Variants in SUGCT observed in about 807,000 individuals in gnomAD.
SUGCT encodes the protein succinyl-CoA:glutarate-CoA transferase, also known as succinyl-CoA:glutarate CoA-transferase.
In SUGCT, 41 loss-of-function variants were observed where a neutral mutation model predicts 55.0. That is an observed-to-expected ratio of 0.74 (90% CI 0.58 to 0.97). SUGCT has a LOEUF of 0.97. SUGCT is among the 50% of genes least tolerant of loss of function. The probability of loss-of-function intolerance (pLI) is 0.00; values close to 1 mark genes in which losing one functional copy is unlikely to be tolerated. For synonymous variants in SUGCT, 187 were observed against 200.4 expected, an observed-to-expected ratio of 0.93 and a Z score of 0.56; for missense variants, 568 against 547.8, an observed-to-expected ratio of 1.04 and a Z score of -0.37.
At chr7:40,266,207 G>A (rs1213024062) in intron 7 of SUGCT, among the ~76,000 whole-genome samples, 1 of 67,632 alleles carries the variant, frequency 1.5e-5, no homozygotes, top group African/African-American at 5.2e-5. Flanking sequence ...TTTTTGAGGT[G>A]GAGTTTTGCT....
chr7:40,272,950 G>A (rs913679644), intron 7 of SUGCT, among the ~76,000 whole-genome samples: 5 of 151,982 alleles, frequency 3.3e-5, no homozygotes, highest in East Asian at 1.9e-4. Flanking sequence ...GTGAGCCACC[G>A]TGCCCAGCCT....
At chr7:40,488,302 G>T (rs996090509) in intron 11 of SUGCT, among the ~76,000 whole-genome samples, 6 of 151,876 alleles carry the variant, frequency 4.0e-5, no homozygotes, top group Non-Finnish European at 2.9e-5. Context: ...AATAGTTATA[G>T]CACATTATTG....
chr7:40,462,920 A>C (rs1486670991), intron 11 of SUGCT, among the ~76,000 whole-genome samples: 2 of 152,168 alleles, frequency 1.3e-5, no homozygotes, highest in East Asian at 3.8e-4. Flanking sequence ...TTCTCTTGCA[A>C]AACTATTACA....
intron 1 of SUGCT, among the ~76,000 whole-genome samples, chr7:40,140,908 G>A (rs1423707616): frequency 6.6e-6 from 1 of 152,156 alleles, no homozygotes; most frequent in Non-Finnish European, 1.5e-5. Flanking sequence ...GATAGAAATT[G>A]CATTGAACCT....
intron 12 of SUGCT, among the ~76,000 whole-genome samples, chr7:40,683,621 C>T (rs1784345897): frequency 6.6e-6 from 1 of 152,186 alleles, no homozygotes; most frequent in South Asian, 2.1e-4. Context: ...AAGATGGATA[C>T]TCCATTGCTT....
intron 3 of SUGCT, among the ~76,000 whole-genome samples, chr7:40,183,079 C>T (rs981820495): frequency 6.6e-6 from 1 of 152,170 alleles, no homozygotes; most frequent in Admixed American, 6.6e-5. Flanking sequence ...TCGAGACCAG[C>T]CTGGCCAACA....
chr7:40,609,812 G>A (rs1460368476), intron 12 of SUGCT, among the ~76,000 whole-genome samples: 1 of 152,126 alleles, frequency 6.6e-6, no homozygotes, highest in Non-Finnish European at 1.5e-5. Flanking sequence ...TTCTTGATAA[G>A]TCGACATTTC....
chr7:40,744,066 C>T (rs2128706949), intron 12 of SUGCT, among the ~76,000 whole-genome samples: 1 of 151,980 alleles, frequency 6.6e-6, no homozygotes, highest in African/African-American at 2.4e-5. Flanking sequence ...AGATTACAGG[C>T]ACACACCACC....
chr7:40,931,273 G>A, the SUGCT span, among the ~76,000 whole-genome samples: 1 of 152,110 alleles, frequency 6.6e-6, no homozygotes, highest in Admixed American at 6.6e-5. Context: ...GGATAAAACT[G>A]ACTTGATTGT....
At chr7:40,548,384 A>G (rs1413698204) in intron 12 of SUGCT, among the ~76,000 whole-genome samples, 2 of 151,860 alleles carry the variant, frequency 1.3e-5, no homozygotes, top group Non-Finnish European at 2.9e-5. Context: ...GGTTTTTGTA[A>G]GACAGGTCTT....
rs144558561 is a variant in SUGCT, at chr7:40,657,732, C to T, written c.1090-91702C>T. On this transcript the variant is annotated intron_variant, in intron 12 of 13. Transcript: ENST00000335693. The stretch of plus-strand genomic sequence containing the variant: ...TGTATTTTTAGTGGAGACGGGGTTT[C>T]GCCATGTTGGCCACGCTGATCTTGA... Among the ~76,000 whole-genome samples, 44 of 152,328 alleles carry T rather than the reference C, an allele frequency of 2.9e-4. 1 individual carries two copies. The East Asian group carries it at 3.5e-3, about 12-fold the overall frequency.
chr7:40,382,882 C>A (rs1315034537), intron 9 of SUGCT, among the ~76,000 whole-genome samples: 1 of 152,126 alleles, frequency 6.6e-6, no homozygotes, highest in Admixed American at 6.6e-5. Flanking sequence ...GATAATATTA[C>A]ATAGAGAACT....
the SUGCT span, among the ~76,000 whole-genome samples, chr7:40,898,019 T>C: frequency 1.3e-5 from 2 of 152,034 alleles, no homozygotes; most frequent in Admixed American, 6.5e-5. Context: ...GTGTGAAAGG[T>C]GTGTTCTTTC....
Position 40,284,636 on chromosome 7 carries a change from G to A in SUGCT, c.720+9980G>A, listed in dbSNP as rs185084323. 6.5e-4 allele frequency among the ~76,000 whole-genome samples: 97 copies of A among 149,926 alleles called. 1 individual carries two copies. Among genetic ancestry groups the A allele is most frequent in the African/African-American group, 2.4e-3 (96 of 40,732 alleles). On this transcript the variant is annotated intron_variant, in intron 8 of 13. Transcript: ENST00000335693. ...AAAAAAAAAAAAAAAATGAGGTGATGTGTATGTTAACTAGCTTGATTTAGT... is the reference window on the plus strand; with the variant it reads ...AAAAAAAAAAAAAAAATGAGGTGATATGTATGTTAACTAGCTTGATTTAGT...
At chr7:40,734,993 G>A (rs1787084243) in intron 12 of SUGCT, among the ~76,000 whole-genome samples, 1 of 152,108 alleles carries the variant, frequency 6.6e-6, no homozygotes, top group South Asian at 2.1e-4. Flanking sequence ...AAACTCACAG[G>A]TGTCCCACTG....
intron 13 of SUGCT, among the ~76,000 whole-genome samples, chr7:40,816,339 G>A (rs910203665): frequency 2.0e-5 from 3 of 152,204 alleles, no homozygotes; most frequent in Admixed American, 6.5e-5. Context: ...TGGGGAAAAT[G>A]TATTGAGCTT....
intron 13 of SUGCT, among the ~76,000 whole-genome samples, chr7:40,835,374 C>G (rs1353840816): frequency 1.3e-5 from 2 of 152,160 alleles, no homozygotes; most frequent in Admixed American, 1.3e-4. Flanking sequence ...AGATTCCTTC[C>G]AGGTATATCC....
At chr7:40,521,746 A>G (rs1793540814) in intron 12 of SUGCT, among the ~76,000 whole-genome samples, 1 of 152,078 alleles carries the variant, frequency 6.6e-6, no homozygotes, top group African/African-American at 2.4e-5. Flanking sequence ...TTGGGGAATA[A>G]TGTAGTATAG....
intron 12 of SUGCT, among the ~76,000 whole-genome samples, chr7:40,733,823 G>T (rs941005002): frequency 1.3e-5 from 2 of 152,204 alleles, no homozygotes; most frequent in Non-Finnish European, 2.9e-5. Context: ...TTCAGATATT[G>T]TATGTGCCAC....
Sources: allele counts gnomAD v4.1 joint callset (sites outside exome capture counted in the v4.1 genomes callset), GRCh38; gene constraint gnomAD v4.1.1; transcripts MANE v1.5; gene names NCBI Gene and HGNC (gene_info 2026-07-23, HGNC 2026-07-21).